PCDHA10: variants seen among roughly 807,000 people sequenced by gnomAD.
The protein encoded by PCDHA10 is protocadherin alpha 10.
Under a neutral mutation model 61.2 loss-of-function variants are expected in PCDHA10, and 45 were observed. That is an observed-to-expected ratio of 0.74 (90% CI 0.58 to 0.94). The LOEUF (loss-of-function observed/expected upper bound fraction) is 0.94. Among genes scored for constraint, PCDHA10 ranks in the 40% least tolerant of loss-of-function variants. The probability of loss-of-function intolerance (pLI) is 0.00; values close to 1 mark genes in which losing one functional copy is unlikely to be tolerated. For synonymous variants in PCDHA10, 602 were observed against 548.8 expected (o/e 1.10, Z -1.35); for missense variants, 1,278 against 1,236.2 (o/e 1.03, Z -0.51).
intron 1 of PCDHA10, among the ~76,000 whole-genome samples, chr5:140,886,716 C>T (rs1160663504): frequency 1.3e-5 from 2 of 151,034 alleles, no homozygotes; most frequent in Non-Finnish European, 2.9e-5. Flanking sequence ...ATCCCAGCTA[C>T]TTGGGAGGCT....
intron 1 of PCDHA10, among the ~76,000 whole-genome samples, chr5:140,923,528 C>CA (rs1240707958): frequency 2.0e-5 from 3 of 151,622 alleles, no homozygotes; most frequent in Non-Finnish European, 4.4e-5. Context: ...GATTCTGTCC[C>CA]AAAAAAAGGA....
chr5:140,927,008 TCTCCGCGGACTTGAGGCTGCCAG>T (rs782232084), intron 1 of PCDHA10: 1 of 1,612,514 alleles, frequency 6.2e-7, no homozygotes, highest in South Asian at 1.1e-5. Flanking sequence ...GTAGGCAATC[TCTCCGCGGACTTGAGGCTGCCAG>T]CGGCCGCTAT....
intron 1 of PCDHA10, among the ~76,000 whole-genome samples, chr5:140,909,682 A>G (rs1172515528): frequency 1.3e-5 from 2 of 152,132 alleles, no homozygotes; most frequent in Non-Finnish European, 2.9e-5. Flanking sequence ...CAGGGAGCCA[A>G]TGTGGGGGTT....
chr5:140,865,891 G>T (rs2153226953), intron 1 of PCDHA10: 1 of 152,240 alleles, frequency 6.6e-6, no homozygotes, highest in African/African-American at 2.4e-5. Context: ...AGCACAAATT[G>T]TGTACAGGCA....
At chr5:140,917,650 T>C (rs897307157) in intron 1 of PCDHA10, among the ~76,000 whole-genome samples, 1 of 152,226 alleles carries the variant, frequency 6.6e-6, no homozygotes. Context: ...CCAGCAATAT[T>C]GAGTAGGAAG....
intron 1 of PCDHA10, among the ~76,000 whole-genome samples, chr5:140,872,147 A>G (rs182622131): frequency 6.6e-6 from 1 of 152,118 alleles, no homozygotes; most frequent in East Asian, 1.9e-4. Flanking sequence ...CTCCATTAGT[A>G]TGACATGATT....
chr5:140,969,117 A>G (rs1554231477), intron 1 of PCDHA10: 1 of 1,614,178 alleles, frequency 6.2e-7, no homozygotes, highest in Non-Finnish European at 8.5e-7. Context: ...GTTCGAGGGA[A>G]TGGCTCCCTC....
intron 1 of PCDHA10, chr5:140,929,324 T>C (rs781810168): frequency 1.2e-5 from 19 of 1,540,130 alleles, no homozygotes; most frequent in Non-Finnish European, 3.5e-6. Context: ...GTCAATGCCA[T>C]GGTAAGCAAA....
chr5:140,930,841 A>T (rs2087150671), intron 1 of PCDHA10, among the ~76,000 whole-genome samples: 1 of 152,230 alleles, frequency 6.6e-6, no homozygotes, highest in South Asian at 2.1e-4. Context: ...ATGAATAAAT[A>T]TGTGCATATA....
At chr5:140,931,323 T>A (rs912582961) in intron 1 of PCDHA10, among the ~76,000 whole-genome samples, 1 of 152,110 alleles carries the variant, frequency 6.6e-6, no homozygotes, top group Non-Finnish European at 1.5e-5. Context: ...CAGTAATGGC[T>A]GTAAAGTTTG....
intron 1 of PCDHA10, chr5:140,871,003 C>T (rs782654281): frequency 1.2e-6 from 2 of 1,613,416 alleles, no homozygotes; most frequent in Non-Finnish European, 1.7e-6. Context: ...AAGCACAACG[C>T]GTGCCCTGGA....
chr5:140,952,338 CAAA>C (rs55931446), intron 1 of PCDHA10, among the ~76,000 whole-genome samples: 80,539 of 134,836 alleles, frequency 0.6, 22,945 homozygotes, highest in African/African-American at 0.71. Context: ...AACTCCATCT[CAAA>C]AAAAAAAAAA....
chr5:141,009,948 T>C lies in PCDHA10; in HGVS notation c.*11T>C, dbSNP rs201131092. 1 of 1,595,948 alleles carries C rather than the reference T, an allele frequency of 6.3e-7. No individual in the cohort carries two copies. The highest frequency in any genetic ancestry group is 1.4e-5 in the African/African-American group (1 of 73,610). On this transcript the variant is annotated 3_prime_UTR_variant, in exon 4 of 4. Coordinates refer to ENST00000307360, the MANE Select transcript of PCDHA10 (RefSeq NM_018901.4). ...AACAGTGACCAGTGAGGTCCTCAAA[T>C]GGAAACAAGCCACTTAGCCAGTTTT...
Position 140,857,350 on chromosome 5 carries a change from G to C in PCDHA10, c.1302G>C (p.Leu434=). The C allele has an allele frequency of 6.3e-7, 1 of 1,598,502 alleles. No homozygotes were observed. The highest frequency in any genetic ancestry group is 8.6e-7 in the Non-Finnish European group (1 of 1,167,934). The change falls in exon 1 of 4, where the codon CTG becomes CTC. Residue 434 remains leucine, a synonymous_variant. Coordinates refer to ENST00000307360, the MANE Select transcript of PCDHA10 (RefSeq NM_018901.4). ...CGCGGGACGGGGGCTCGCCTCCGCT[G>C]TGGGCCACGGCCAGCGTGTCTGTGG... The part of the protein sequence containing the change: ...VTARDGGSPP[L]WATASVSVEV...
At chr5:140,882,588 A>T in intron 1 of PCDHA10, 7 of 1,614,186 alleles carry the variant, frequency 4.3e-6, no homozygotes, top group Non-Finnish European at 5.1e-6. Context: ...ATCCACCTGG[A>T]GGTGATCGTG....
At chr5:140,959,754 T>C (rs1265254392) in intron 1 of PCDHA10, among the ~76,000 whole-genome samples, 1 of 152,222 alleles carries the variant, frequency 6.6e-6, no homozygotes, top group East Asian at 1.9e-4. Flanking sequence ...TAAAGTATAT[T>C]TTAATATTCA....
In PCDHA10 at chr5:140,882,396, C is replaced by A. The variant is rs1287441519; in HGVS notation, c.2388+23960C>A. 54 of 1,614,078 alleles carry A rather than the reference C, an allele frequency of 3.3e-5. No homozygotes were observed. The highest frequency in any genetic ancestry group is 4.6e-5 in the Non-Finnish European group (54 of 1,180,056). On this transcript the variant is annotated intron_variant, in intron 1 of 3. Transcript: ENST00000307360. The stretch of plus-strand genomic sequence containing the variant: ...GTCCCCGAGGAAGCAAAACACGGCA[C>A]CTTCGTGGGCCGCATCGCTCAGGAC...
chr5:141,000,689 A>G (rs1469257297), intron 3 of PCDHA10, among the ~76,000 whole-genome samples: 1 of 151,438 alleles, frequency 6.6e-6, no homozygotes, highest in African/African-American at 2.4e-5. Context: ...CTGCCTCCCA[A>G]AGTGCTGGGA....
rs781941183 is a variant in PCDHA10, at chr5:140,884,613, C to T, written c.2388+26177C>T. On this transcript the variant is annotated intron_variant, in intron 1 of 3. Transcript: ENST00000307360. ...CCCAGCCTTCCTCCTTGTCTGGGTT[C>T]TGCAGAGGGAACAGGCCAGAGGGAG... 3 of 1,614,086 alleles carry T rather than the reference C, an allele frequency of 1.9e-6. No individual in the cohort carries two copies. The South Asian group carries it at 3.3e-5, about 18-fold the overall frequency.
Sources: gnomAD v4.1 joint callset for allele counts (sites outside exome capture counted in the v4.1 genomes callset) on GRCh38, gnomAD v4.1.1 for gene constraint, MANE v1.5 for transcripts, NCBI Gene and HGNC (gene_info 2026-07-23, HGNC 2026-07-21) for gene names.